GRK5: variants seen among roughly 807,000 people sequenced by gnomAD.
GRK5 encodes the protein g protein-coupled receptor kinase GRK5.
Under a neutral mutation model 78.4 loss-of-function variants are expected in GRK5, and 40 were observed. The ratio of observed to expected loss-of-function variants is 0.51; its 90% CI spans 0.40 to 0.66. The LOEUF (loss-of-function observed/expected upper bound fraction) is 0.66. Ranked by LOEUF, GRK5 falls within the 30% of genes least tolerant of loss-of-function variation. The pLI is 0.00. For synonymous variants in GRK5, 289 were observed against 296.8 expected (o/e 0.97, Z 0.27); for missense variants, 598 against 759.9 (o/e 0.79, Z 2.50).
At position 119,453,126 on chromosome 10, in the gene GRK5, GT is replaced by G; in HGVS notation, c.1543-15del. Reference sequence around the variant, plus strand: ...TGCCCCAGTTGACGGCCTGTGTTTTGTTTTCACGGCCCCTCCAGATGATAGA... The same window carrying G: ...TGCCCCAGTTGACGGCCTGTGTTTTGTTTCACGGCCCCTCCAGATGATAGA... On this transcript the variant is annotated intron_variant, in intron 14 of 15. Transcript: ENST00000392870. The G allele has an allele frequency of 1.4e-6, 2 of 1,474,620 alleles. No homozygotes were observed. Among genetic ancestry groups the G allele is most frequent in the Non-Finnish European group, 1.9e-6 (2 of 1,052,582 alleles). The allele number at this position is 1,474,620 out of a possible 1,614,324, so 91.3% of individuals were successfully genotyped here. A position where few individuals can be genotyped will look rare whatever the true frequency, so the allele number is the denominator to read the frequency against.
intron 1 of GRK5, among the ~76,000 whole-genome samples, chr10:119,281,090 T>C (rs1430121758): frequency 6.6e-6 from 1 of 151,756 alleles, no homozygotes; most frequent in African/African-American, 2.4e-5. Flanking sequence ...TTTCCCGTTT[T>C]CTGCAGGGTA....
intron 1 of GRK5, among the ~76,000 whole-genome samples, chr10:119,220,005 G>A (rs1038806696): frequency 6.6e-6 from 1 of 152,200 alleles, no homozygotes; most frequent in Non-Finnish European, 1.5e-5. Flanking sequence ...TGATGACCTG[G>A]CATTTGAAGG....
In GRK5 at chr10:119,430,073, G is replaced by C. The variant is rs1852784166; in HGVS notation, c.534-302G>C. On this transcript the variant is annotated intron_variant, in intron 6 of 15. Coordinates refer to ENST00000392870, the MANE Select transcript of GRK5 (RefSeq NM_005308.3). This position sits in a 1 kb window ranked among gnomAD's most constrained non-coding sequence, Gnocchi z 4.5. ...TGCAGAGAGAGGAGAACCACATGGAGAGTGTGGTCAAGCACCTCTGCACTC... is the reference window on the plus strand; with the variant it reads ...TGCAGAGAGAGGAGAACCACATGGACAGTGTGGTCAAGCACCTCTGCACTC... Among the ~76,000 whole-genome samples, 1 of 152,190 alleles carries C rather than the reference G, an allele frequency of 6.6e-6. No homozygotes were observed. The highest frequency in any genetic ancestry group is 2.1e-4 in the South Asian group (1 of 4,830).
intron 1 of GRK5, among the ~76,000 whole-genome samples, chr10:119,306,647 T>C (rs1215278425): frequency 2.6e-5 from 4 of 152,164 alleles, no homozygotes; most frequent in Non-Finnish European, 4.4e-5. Flanking sequence ...TCAAGATTTG[T>C]TCTGCTGACT....
intron 1 of GRK5, among the ~76,000 whole-genome samples, chr10:119,248,947 C>T (rs1849155572): frequency 3.9e-5 from 6 of 152,128 alleles, no homozygotes; most frequent in Admixed American, 3.9e-4. Flanking sequence ...TTACTAATCT[C>T]TCCATGTCTC....
chr10:119,266,422 C>T (rs946672355), intron 1 of GRK5, among the ~76,000 whole-genome samples: 3 of 151,870 alleles, frequency 2.0e-5, no homozygotes, highest in Admixed American at 6.6e-5. Flanking sequence ...GAGATGGCGC[C>T]GCTGCACTCC....
chr10:119,448,658 G>A (rs566767339), intron 13 of GRK5, among the ~76,000 whole-genome samples: 1 of 152,276 alleles, frequency 6.6e-6, no homozygotes, highest in African/African-American at 2.4e-5. Context: ...ACTACATTCA[G>A]TTCATCTTGA....
intron 1 of GRK5, among the ~76,000 whole-genome samples, chr10:119,230,404 T>A (rs1848806213): frequency 6.6e-6 from 1 of 152,136 alleles, no homozygotes; most frequent in Non-Finnish European, 1.5e-5. Context: ...CTTACAGTTC[T>A]ACGTGGCTGG....
At chr10:119,403,198 G>A (rs965343244) in intron 4 of GRK5, among the ~76,000 whole-genome samples, 4 of 151,930 alleles carry the variant, frequency 2.6e-5, no homozygotes, top group South Asian at 2.1e-4. Flanking sequence ...ACGGAGTCTC[G>A]CTCTGTCCCC....
At chr10:119,346,151 TG>T (rs1366265303) in intron 2 of GRK5, among the ~76,000 whole-genome samples, 1 of 152,186 alleles carries the variant, frequency 6.6e-6, no homozygotes, top group African/African-American at 2.4e-5. Context: ...TTACAATGCC[TG>T]GGCTCTGCGG....
chr10:119,277,493 G>A (rs1288776684), intron 1 of GRK5, among the ~76,000 whole-genome samples: 4 of 152,028 alleles, frequency 2.6e-5, no homozygotes, highest in Non-Finnish European at 4.4e-5. Context: ...TGCTCTCTGC[G>A]ACACCCCTGC....
intron 2 of GRK5, among the ~76,000 whole-genome samples, chr10:119,375,697 T>C (rs1423724600): frequency 6.6e-6 from 1 of 152,184 alleles, no homozygotes. Context: ...TGGAATTCAG[T>C]GTGTTGCAGG....
rs1346097926 is a variant in GRK5, at chr10:119,378,575, G to A, written c.149-2240G>A. ...TCCGTTCCAGGAGGCAGACAGCGGA[G>A]TGCTGAGGCCGTGTCCCCGTGTGGT... On this transcript the variant is annotated intron_variant, in intron 2 of 15. Transcript: ENST00000392870. The surrounding 1 kb of genome is among the most constrained non-coding windows in gnomAD (Gnocchi z 4.5). Among the ~76,000 whole-genome samples, 1 of 152,268 alleles carries A rather than the reference G, an allele frequency of 6.6e-6. No individual in the cohort carries two copies. The highest frequency in any genetic ancestry group is 1.9e-4 in the East Asian group (1 of 5,196).
At chr10:119,377,157 G>C (rs1473722555) in intron 2 of GRK5, among the ~76,000 whole-genome samples, 1 of 152,156 alleles carries the variant, frequency 6.6e-6, no homozygotes, top group Non-Finnish European at 1.5e-5. Context: ...GAGAAAGATT[G>C]TGGGCAGGCC....
chr10:119,250,230 C>T (rs1564863455), intron 1 of GRK5, among the ~76,000 whole-genome samples: 1 of 152,128 alleles, frequency 6.6e-6, no homozygotes, highest in Non-Finnish European at 1.5e-5. Flanking sequence ...GATGAAGAAA[C>T]TGAGGGGCTC....
At chr10:119,343,426 C>T (rs1187570550) in intron 2 of GRK5, among the ~76,000 whole-genome samples, 1 of 152,242 alleles carries the variant, frequency 6.6e-6, no homozygotes, top group Non-Finnish European at 1.5e-5. Context: ...GCAGGTGCTG[C>T]CTTCCCCACC....
At chr10:119,276,265 C>T (rs957253886) in intron 1 of GRK5, among the ~76,000 whole-genome samples, 2 of 151,952 alleles carry the variant, frequency 1.3e-5, no homozygotes, top group African/African-American at 2.4e-5. Context: ...TATCCCTCCC[C>T]CCTCCTCCCA....
chr10:119,241,245 A>G (rs1294850769), intron 1 of GRK5, among the ~76,000 whole-genome samples: 1 of 152,182 alleles, frequency 6.6e-6, no homozygotes, highest in African/African-American at 2.4e-5. Context: ...GGAGAAGAGC[A>G]AAGGCCACGT....
chr10:119,328,244 G>A (rs1022607467), intron 2 of GRK5, among the ~76,000 whole-genome samples: 9 of 152,332 alleles, frequency 5.9e-5, no homozygotes, highest in South Asian at 2.1e-4. Context: ...AGGTCGGGTG[G>A]AAGAGAAGAG....
Sources: gnomAD v4.1 joint callset for allele counts (sites outside exome capture counted in the v4.1 genomes callset) on GRCh38, gnomAD v4.1.1 for gene constraint, Gnocchi (gnomAD v3.1) non-coding constraint, MANE v1.5 for transcripts, NCBI Gene and HGNC (gene_info 2026-07-23, HGNC 2026-07-21) for gene names.